EXOG: variants seen among roughly 807,000 people sequenced by gnomAD.
EXOG encodes nuclease EXOG, mitochondrial.
Under a neutral mutation model 25.8 loss-of-function variants are expected in EXOG, and 27 were observed. The observed-to-expected ratio is 1.05, with a 90% confidence interval of 0.77 to 1.45. The LOEUF (loss-of-function observed/expected upper bound fraction) is 1.45. Ranked by LOEUF, EXOG falls within the 40% of genes most tolerant of loss-of-function variation. EXOG has a pLI of 0.00. For missense variants in EXOG, 458 were observed against 450.5 expected (o/e 1.02, Z -0.15); for synonymous variants, 133 against 167.0 (o/e 0.80, Z 1.57).
At chr3:38,508,099 C>T (rs2060257386) in intron 5 of EXOG, among the ~76,000 whole-genome samples, 1 of 152,084 alleles carries the variant, frequency 6.6e-6, no homozygotes, top group African/African-American at 2.4e-5. Flanking sequence ...CCACTGCACT[C>T]CAGCCTGGGC....
intron 5 of EXOG, among the ~76,000 whole-genome samples, chr3:38,522,495 C>A (rs907481210): frequency 6.6e-6 from 1 of 152,036 alleles, no homozygotes; most frequent in Non-Finnish European, 1.5e-5. Context: ...TTCAAAAAAG[C>A]CTTTTTGTTT....
rs150732037 is a variant in EXOG at position 38,515,559 on chromosome 3, G to T, written c.646-8342G>T. 975 of 191,436 alleles carry T rather than the reference G, an allele frequency of 5.1e-3. 9 individuals carry two copies. The highest frequency in any genetic ancestry group is 0.021 in the African/African-American group (917 of 42,804). 11.9% of individuals were successfully genotyped at this position (191,436 alleles called of 1,614,324 possible). A position where few individuals can be genotyped will look rare whatever the true frequency, so the allele number is the denominator to read the frequency against. ...GCTCCTCGGTGAGGAACTCGAAGAA[G>T]TGGGTGCTGTGGCTGCGGTTCTCCT... is the stretch of plus-strand genomic sequence containing the variant. On this transcript the variant is annotated intron_variant, in intron 5 of 5. Coordinates refer to ENST00000287675, the MANE Select transcript of EXOG (RefSeq NM_005107.4).
chr3:38,497,109 C>T (rs1054422571), intron 1 of EXOG: 1 of 1,003,148 alleles, frequency 1.0e-6, no homozygotes, highest in Non-Finnish European at 1.2e-6. Context: ...GAGCTCATTT[C>T]TTGTACTTTG....
At chr3:38,497,604 C>CCTT (rs1559670863) in intron 1 of EXOG, 25 bp from the exon 2 acceptor site, 23 of 1,412,698 alleles carry the variant, frequency 1.6e-5, no homozygotes, top group African/African-American at 1.4e-4. Context: ...TCTGCCCCCC[C>CCTT]TTTTTTTTTT....
chr3:38,498,290 G>A (rs12488862), intron 2 of EXOG, among the ~76,000 whole-genome samples: 7 of 152,168 alleles, frequency 4.6e-5, no homozygotes, highest in Admixed American at 4.6e-4. Flanking sequence ...GAGGCTGGGC[G>A]TGGTGGCTCA....
chr3:38,520,648 C>T lies in EXOG; in HGVS notation c.646-3253C>T, dbSNP rs778707452. Among the ~76,000 whole-genome samples the T allele has an allele frequency of 8.9e-4, 136 of 152,226 alleles. 2 individuals carry two copies. The highest frequency in any genetic ancestry group is 4.0e-4 in the Non-Finnish European group (27 of 68,012). ...TAAAACCATCTTTTGTACCAAATGCCGTTGTATCTTTTGAATGATGTCCAC... is the reference window on the plus strand; with the variant it reads ...TAAAACCATCTTTTGTACCAAATGCTGTTGTATCTTTTGAATGATGTCCAC... On this transcript the variant is annotated intron_variant, in intron 5 of 5. Coordinates refer to ENST00000287675, the MANE Select transcript of EXOG (RefSeq NM_005107.4).
intron 2 of EXOG, among the ~76,000 whole-genome samples, chr3:38,500,778 G>C (rs1300076677): frequency 6.6e-6 from 1 of 152,072 alleles, no homozygotes; most frequent in African/African-American, 2.4e-5. Context: ...TCTCCTATGT[G>C]GTACCCAGAT....
At chr3:38,518,683 T>C (rs2060619499) in intron 5 of EXOG, among the ~76,000 whole-genome samples, 1 of 152,226 alleles carries the variant, frequency 6.6e-6, no homozygotes, top group Non-Finnish European at 1.5e-5. Context: ...TATATGTGTT[T>C]TTACTTTGGG....
intron 5 of EXOG, among the ~76,000 whole-genome samples, chr3:38,523,631 G>A (rs977636520): frequency 9.2e-5 from 14 of 152,138 alleles, no homozygotes; most frequent in Non-Finnish European, 2.9e-5. Context: ...GCGTCCCAAA[G>A]TGCTGGGATT....
chr3:38,523,320 C>T, intron 5 of EXOG: 1 of 1,270,994 alleles, frequency 7.9e-7, no homozygotes, highest in South Asian at 1.3e-5. Flanking sequence ...CTTTGTCCTA[C>T]AAACAGAACA....
intron 5 of EXOG, among the ~76,000 whole-genome samples, chr3:38,516,684 T>G (rs562898297): frequency 6.6e-6 from 1 of 151,796 alleles, no homozygotes; most frequent in African/African-American, 2.4e-5. Flanking sequence ...CTATCCTTTA[T>G]ACTGTTTTTT....
In EXOG at chr3:38,520,365, A is replaced by T. The variant is rs1403290588; in HGVS notation, c.646-3536A>T. Among the ~76,000 whole-genome samples, 8 of 152,202 alleles carry T rather than the reference A, an allele frequency of 5.3e-5. No individual in the cohort carries two copies. The South Asian group carries it at 1.7e-3, about 32-fold the overall frequency. On this transcript the variant is annotated intron_variant, in intron 5 of 5. Transcript: ENST00000287675. ...ACTTCCAATTTTTGCTACAGTCTTG[A>T]GTAGAGTTCAGTGCTTCTTGGGAAT...
Position 38,501,393 on chromosome 3 carries a change from C to A in EXOG, c.352C>A (p.Pro118Thr). 2 of 1,613,130 alleles carry A rather than the reference C, an allele frequency of 1.2e-6. No homozygotes were observed. Among genetic ancestry groups the A allele is most frequent in the Non-Finnish European group, 1.7e-6 (2 of 1,179,174 alleles). ...AAAGCATTGTAAATTTAAGCCTGAT[C>A]CCAATATCCCTCCAACCTTCAGTGC... Reference protein sequence around the residue: ...DRKHCKFKPDPNIPPTFSAFN... With the variant: ...DRKHCKFKPDTNIPPTFSAFN... Residue 118 changes from proline to threonine, a missense_variant, in exon 3 of 6, where the codon CCC becomes ACC. This residue lies in a region of EXOG where 275 missense variants were observed against 230.5 expected (regional missense o/e 1.19). Transcript: ENST00000287675.
In EXOG at chr3:38,496,421, C is replaced by T; in HGVS notation, c.54C>T (p.Ser18=). 6.2e-7 allele frequency: 1 copy of T among 1,614,026 alleles called. No homozygotes were observed. The highest frequency in any genetic ancestry group is 8.5e-7 in the Non-Finnish European group (1 of 1,179,956). ...TCCGGGGTTCCCGTCGTTTTCTGAG[C>T]GGCTTCGTGGCTGGGGCTGTAGTGG... ...SRLRGSRRFL[S]GFVAGAVVGA... Residue 18 remains serine (S), a synonymous_variant, in exon 1 of 6, where the codon AGC becomes AGT. Transcript: ENST00000287675.
At chr3:38,500,431 C>T (rs1341609884) in intron 2 of EXOG, among the ~76,000 whole-genome samples, 1 of 152,124 alleles carries the variant, frequency 6.6e-6, no homozygotes, top group Admixed American at 6.5e-5. Context: ...ATGGTAATGA[C>T]ACTTAGAAAT....
chr3:38,525,596 G>T lies in EXOG; in HGVS notation c.*1234G>T. The stretch of plus-strand genomic sequence containing the variant: ...TTTAGTGACCAGATACTGCCAAATT[G>T]ATGTGTTCTTGCTTTCCAGGTGAGC... On this transcript the variant is annotated 3_prime_UTR_variant, in exon 6 of 6. Coordinates refer to ENST00000287675, the MANE Select transcript of EXOG (RefSeq NM_005107.4). The T allele has an allele frequency of 2.0e-6, 2 of 985,364 alleles. No homozygotes were observed. Among genetic ancestry groups the T allele is most frequent in the Non-Finnish European group, 2.4e-6 (2 of 829,914 alleles). 61.0% of individuals were successfully genotyped at this position (985,364 alleles called of 1,614,324 possible). A position where few individuals can be genotyped will look rare whatever the true frequency, so the allele number is the denominator to read the frequency against.
In EXOG at chr3:38,496,382, T is replaced by A. The variant is rs1262508909; in HGVS notation, c.15T>A (p.Ser5Arg). The A allele has an allele frequency of 2.5e-6, 4 of 1,613,208 alleles. No homozygotes were observed. The South Asian group carries it at 4.4e-5, about 18-fold the overall frequency. Residue 5 changes from serine to arginine, a missense_variant, in exon 1 of 6, where the codon AGT becomes AGA. Coordinates refer to ENST00000287675, the MANE Select transcript of EXOG (RefSeq NM_005107.4). MAIK[S>R]IASRLRGSRR... The stretch of plus-strand genomic sequence containing the variant: ...CCTCGGGCAAGATGGCTATCAAGAG[T>A]ATCGCTTCCCGCCTCCGGGGTTCCC...
intron 4 of EXOG, among the ~76,000 whole-genome samples, chr3:38,506,458 G>A (rs2060204758): frequency 6.6e-6 from 1 of 152,106 alleles, no homozygotes; most frequent in African/African-American, 2.4e-5. Flanking sequence ...CATTATATAA[G>A]AAATGTTAAC....
intron 5 of EXOG, among the ~76,000 whole-genome samples, chr3:38,516,233 C>G (rs1311097159): frequency 6.6e-6 from 1 of 151,750 alleles, no homozygotes; most frequent in Non-Finnish European, 1.5e-5. Flanking sequence ...TTTTAATTTG[C>G]AGAGGAGAGG....
Sources: allele counts gnomAD v4.1 joint callset (sites outside exome capture counted in the v4.1 genomes callset), GRCh38; gene constraint gnomAD v4.1.1; regional missense constraint gnomAD v4.1.1; transcripts MANE v1.5; gene names NCBI Gene and HGNC (gene_info 2026-07-23, HGNC 2026-07-21).